CWF19L2: variants seen among roughly 807,000 people sequenced by gnomAD.
CWF19L2 encodes CWF19 like cell cycle control factor 2.
Under a neutral mutation model 111.7 loss-of-function variants are expected in CWF19L2, and 98 were observed. The ratio of observed to expected loss-of-function variants is 0.88; its 90% CI spans 0.75 to 1.04. CWF19L2 has a LOEUF of 1.04. Ranked by LOEUF, CWF19L2 falls within the 50% of genes least tolerant of loss-of-function variation. The pLI is 0.00. For missense variants in CWF19L2, 1,101 were observed against 1,051.4 expected (o/e 1.05, Z -0.65); for synonymous variants, 351 against 342.9 (o/e 1.02, Z -0.26).
rs181356289 is a variant in CWF19L2, at chr11:107,368,090, G to C, written c.1873-14354C>G. Among the ~76,000 whole-genome samples, 2 of 120,302 alleles carry C rather than the reference G, an allele frequency of 1.7e-5. 1 individual carries two copies. The highest frequency in any genetic ancestry group is 7.3e-5 in the African/African-American group (2 of 27,478). The allele number at this position is 120,302 out of a possible 152,430, so 78.9% of individuals were successfully genotyped here. On this transcript the variant is annotated intron_variant, in intron 12 of 17. Coordinates refer to ENST00000282251, the MANE Select transcript of CWF19L2 (RefSeq NM_152434.3). Reference sequence around the variant, plus strand: ...CCAACCTGAAATTAGCAGAAGAAAAGAGAGATCCGGGCAGAATAAATTGAG... The same window carrying C: ...CCAACCTGAAATTAGCAGAAGAAAACAGAGATCCGGGCAGAATAAATTGAG...
chr11:107,339,933 C>T (rs1591150273), intron 14 of CWF19L2, among the ~76,000 whole-genome samples: 1 of 151,952 alleles, frequency 6.6e-6, no homozygotes, highest in African/African-American at 2.4e-5. Flanking sequence ...CTCCCAAAGT[C>T]CTGAGATTAC....
intron 16 of CWF19L2, 46 bp downstream of exon 16, chr11:107,334,835 C>T (rs375045100): frequency 1.7e-6 from 2 of 1,167,592 alleles, no homozygotes; most frequent in East Asian, 2.3e-5. Context: ...TAATAAAGAT[C>T]CTGAGCACTA....
intron 10 of CWF19L2, chr11:107,404,634 C>A (rs547413327): frequency 3.1e-5 from 16 of 519,980 alleles, no homozygotes; most frequent in Middle Eastern, 6.1e-4. Context: ...CTTTGTCCCA[C>A]GCTTACCCCA....
chr11:107,380,046 C>CAAAAAAAAAAAAAAAAAAAAAAA, intron 12 of CWF19L2, among the ~76,000 whole-genome samples: 1 of 34,490 alleles, frequency 2.9e-5, no homozygotes, highest in Non-Finnish European at 5.1e-5. Flanking sequence ...GACACCGTCT[C>CAAAAAAAAAAAAAAAAAAAAAAA]AAAAAAAAAA....
chr11:107,389,766 A>C (rs528250862), intron 12 of CWF19L2, among the ~76,000 whole-genome samples: 21 of 152,312 alleles, frequency 1.4e-4, no homozygotes, highest in African/African-American at 5.1e-4. Context: ...CTATCAGCGC[A>C]CTGTCAATCA....
intron 6 of CWF19L2, among the ~76,000 whole-genome samples, chr11:107,438,848 G>A (rs1284956261): frequency 6.6e-6 from 1 of 152,078 alleles, no homozygotes; most frequent in African/African-American, 2.4e-5. Flanking sequence ...AGGAGTTCAA[G>A]ACTAGGCTGG....
rs1448385677 is a variant in CWF19L2, at chr11:107,433,264, T to TA, written c.780+369dup. Among the ~76,000 whole-genome samples, 9 of 152,168 alleles carry TA rather than the reference T, an allele frequency of 5.9e-5. No individual in the cohort carries two copies. In the East Asian group the frequency reaches 1.4e-3, roughly 23 times the overall value. On this transcript the variant is annotated intron_variant, in intron 7 of 17. Transcript: ENST00000282251. ...TTTTAAGAGTATATATACACTCTTT[T>TA]AAAAAAATCCGTAAAGTACCCAAAC...
chr11:107,368,025 C>G lies in CWF19L2; in HGVS notation c.1873-14289G>C, dbSNP rs1860456970. On this transcript the variant is annotated intron_variant, in intron 12 of 17. Transcript: ENST00000282251. Reference sequence around the variant, plus strand: ...AGAAAAATAACAAATGAAAAATAATCTAATGTGACACCTCAAGAAACTAGA... The same window carrying G: ...AGAAAAATAACAAATGAAAAATAATGTAATGTGACACCTCAAGAAACTAGA... Among the ~76,000 whole-genome samples, 2 of 135,656 alleles carry G rather than the reference C, an allele frequency of 1.5e-5. 1 individual carries two copies. The highest frequency in any genetic ancestry group is 3.1e-5 in the Non-Finnish European group (2 of 63,648). The allele number at this position is 135,656 out of a possible 152,430, so 89.0% of individuals were successfully genotyped here.
At chr11:107,442,855 G>A (rs1411726301) in intron 4 of CWF19L2, 84 bp downstream of exon 4, 7 of 630,536 alleles carry the variant, frequency 1.1e-5, no homozygotes, top group Admixed American at 7.8e-5. Context: ...AGGGAGGGAG[G>A]GATAGAGAGG....
At chr11:107,419,895 T>G (rs1344910976) in intron 8 of CWF19L2, among the ~76,000 whole-genome samples, 1 of 151,860 alleles carries the variant, frequency 6.6e-6, no homozygotes, top group East Asian at 1.9e-4. Flanking sequence ...ATGAGAACAC[T>G]AACAGAAAGG....
At chr11:107,396,034 C>G (rs1271071346) in intron 10 of CWF19L2, among the ~76,000 whole-genome samples, 2 of 152,210 alleles carry the variant, frequency 1.3e-5, no homozygotes, top group Non-Finnish European at 2.9e-5. Flanking sequence ...TGCCAACTTT[C>G]TGTTCCTTAG....
chr11:107,443,636 C>CT (rs1861663081), intron 3 of CWF19L2, among the ~76,000 whole-genome samples: 1 of 146,174 alleles, frequency 6.8e-6, no homozygotes, highest in South Asian at 2.1e-4. Flanking sequence ...AGAGACCTCA[C>CT]TTCAGCACAG....
chr11:107,374,280 A>C (rs1860561708), intron 12 of CWF19L2, among the ~76,000 whole-genome samples: 1 of 128,746 alleles, frequency 7.8e-6, no homozygotes, highest in Non-Finnish European at 1.6e-5. Flanking sequence ...CGCCACAAAC[A>C]TACTCCTCGA....
At chr11:107,425,335 T>A (rs1861360495) in intron 8 of CWF19L2, among the ~76,000 whole-genome samples, 2 of 151,844 alleles carry the variant, frequency 1.3e-5, no homozygotes, top group South Asian at 2.1e-4. Context: ...ACAGACCACA[T>A]GACAGTAATC....
intron 17 of CWF19L2, among the ~76,000 whole-genome samples, chr11:107,328,529 T>C (rs1366284620): frequency 6.6e-6 from 1 of 152,176 alleles, no homozygotes; most frequent in Non-Finnish European, 1.5e-5. Flanking sequence ...AGGCTATTTC[T>C]TAAAAAGCAA....
At chr11:107,389,484 GT>G (rs1211123680) in intron 12 of CWF19L2, among the ~76,000 whole-genome samples, 1 of 152,108 alleles carries the variant, frequency 6.6e-6, no homozygotes, top group Non-Finnish European at 1.5e-5. Flanking sequence ...TTAAATACCA[GT>G]GTCTCTTTTA....
intron 14 of CWF19L2, among the ~76,000 whole-genome samples, chr11:107,344,822 T>G (rs1860054526): frequency 6.6e-6 from 1 of 152,194 alleles, no homozygotes; most frequent in Non-Finnish European, 1.5e-5. Context: ...TTTAAATTTT[T>G]TGTTTTATAT....
rs186497779 is a variant in CWF19L2, at chr11:107,378,692, C to T, written c.1872+11382G>A. Among the ~76,000 whole-genome samples, 656 of 152,084 alleles carry T rather than the reference C, an allele frequency of 4.3e-3. 4 individuals are homozygous for T. The highest frequency in any genetic ancestry group is 0.015 in the African/African-American group (613 of 41,464). ...AGATGACGAGTTAGTGGGTGCAGCGCACCAGCATGGCACATGTATACATAT... is the reference window on the plus strand; with the variant it reads ...AGATGACGAGTTAGTGGGTGCAGCGTACCAGCATGGCACATGTATACATAT... On this transcript the variant is annotated intron_variant, in intron 12 of 17. Coordinates refer to ENST00000282251, the MANE Select transcript of CWF19L2 (RefSeq NM_152434.3).
At chr11:107,364,381 C>T (rs1432796814) in intron 12 of CWF19L2, among the ~76,000 whole-genome samples, 1 of 148,386 alleles carries the variant, frequency 6.7e-6, no homozygotes, top group Non-Finnish European at 1.5e-5. Flanking sequence ...TTTTTTTCAG[C>T]ACCACACCAC....
Sources: gnomAD v4.1 joint callset for allele counts (sites outside exome capture counted in the v4.1 genomes callset) on GRCh38, gnomAD v4.1.1 for gene constraint, MANE v1.5 for transcripts, NCBI Gene and HGNC (gene_info 2026-07-23, HGNC 2026-07-21) for gene names.